FBLN2: variants seen among roughly 807,000 people sequenced by gnomAD.
The protein encoded by FBLN2 is fibulin 2, also known as fibulin-2.
FBLN2 carries 81 observed loss-of-function variants against 123.7 expected under a neutral mutation model. The observed-to-expected ratio is 0.65, with a 90% confidence interval of 0.55 to 0.79. FBLN2 has a LOEUF of 0.79. Among genes scored for constraint, FBLN2 ranks in the 30% least tolerant of loss-of-function variants. The pLI, the probability that FBLN2 is intolerant of heterozygous loss-of-function variation, is 0.00. For missense variants in FBLN2, 1,603 were observed against 1,681.3 expected (o/e 0.95, Z 0.81); for synonymous variants, 699 against 701.4 (o/e 1.00, Z 0.05).
Position 13,588,981 on chromosome 3 carries a change from G to A in FBLN2, c.1306+17320G>A, listed in dbSNP as rs567363549. ...TCAGAATTACATCAAACTTCAGTTTGAGCAGAAGTATAGTCTCTTAGGTAA... is the reference window on the plus strand; with the variant it reads ...TCAGAATTACATCAAACTTCAGTTTAAGCAGAAGTATAGTCTCTTAGGTAA... On this transcript the variant is annotated intron_variant, in intron 2 of 17. Transcript: ENST00000404922. 5.9e-5 allele frequency among the ~76,000 whole-genome samples: 9 copies of A among 152,300 alleles called. No homozygotes were observed. The East Asian group carries it at 1.7e-3, about 29-fold the overall frequency.
At chr3:13,598,430 ATG>A (rs1317831923) in intron 2 of FBLN2, among the ~76,000 whole-genome samples, 5 of 152,226 alleles carry the variant, frequency 3.3e-5, no homozygotes. Flanking sequence ...GTGGAAGGAC[ATG>A]CCTGTGCTCA....
Position 13,629,396 on chromosome 3 carries a change from G to A in FBLN2, c.2842+104G>A, listed in dbSNP as rs1428202024. The stretch of plus-strand genomic sequence containing the variant: ...CCAGCACCTCCACTGCCTGAGTGGG[G>A]CCCACCTGCTGGAGTCCACAAGGTC... On this transcript the variant is annotated intron_variant, in intron 13 of 17. Transcript: ENST00000404922. The A allele has an allele frequency of 1.2e-5, 17 of 1,407,570 alleles. No homozygotes were observed. The East Asian group carries it at 3.8e-4, about 31-fold the overall frequency. 87.2% of individuals were successfully genotyped at this position (1,407,570 alleles called of 1,614,324 possible). A position where few individuals can be genotyped will look rare whatever the true frequency, so the allele number is the denominator to read the frequency against.
rs72624447 is a variant in FBLN2, at chr3:13,570,796, C to T, written c.441C>T (p.Ala147=). 9.6e-3 allele frequency: 15,368 copies of T among 1,595,580 alleles called. 1,522 individuals are homozygous for T. In the East Asian group the frequency reaches 0.25, roughly 26 times the overall value. The change falls in exon 2 of 18, where the codon GCC becomes GCT. Residue 147 remains alanine (A), a synonymous_variant. Coordinates refer to ENST00000404922, the MANE Select transcript of FBLN2 (RefSeq NM_001004019.2). The part of the protein sequence containing the change: ...VGCVHAGHKY[A]AGHTVHLPPC... ...GCGTCCACGCGGGCCACAAGTACGC[C>T]GCTGGCCACACTGTTCACCTGCCGC... is the stretch of plus-strand genomic sequence containing the variant.
intron 7 of FBLN2, 59 bp from the exon 8 acceptor site, chr3:13,619,671 G>A (rs1705777513): frequency 2.1e-6 from 3 of 1,427,130 alleles, no homozygotes; most frequent in African/African-American, 1.4e-5. Flanking sequence ...TGGGGAATGA[G>A]CCAGTGTGGA....
intron 5 of FBLN2, among the ~76,000 whole-genome samples, chr3:13,615,821 A>G (rs1039645900): frequency 6.6e-6 from 1 of 152,162 alleles, no homozygotes; most frequent in Non-Finnish European, 1.5e-5. Flanking sequence ...AATGACTCCC[A>G]CTTCTGCCCC....
intron 16 of FBLN2, among the ~76,000 whole-genome samples, chr3:13,635,612 G>A (rs1401372933): frequency 6.6e-6 from 1 of 152,154 alleles, no homozygotes; most frequent in Non-Finnish European, 1.5e-5. Context: ...GCTTCTGAAT[G>A]TACAGGAAGC....
At chr3:13,555,331 C>A (rs535320117) in intron 1 of FBLN2, among the ~76,000 whole-genome samples, 3 of 152,240 alleles carry the variant, frequency 2.0e-5, no homozygotes, top group South Asian at 2.1e-4. Flanking sequence ...ACCAGCAATA[C>A]CCATAAAAAT....
chr3:13,581,987 T>G (rs780095496), intron 2 of FBLN2, among the ~76,000 whole-genome samples: 1 of 152,106 alleles, frequency 6.6e-6, no homozygotes, highest in Non-Finnish European at 1.5e-5. Context: ...CTGTGTGACC[T>G]CAGGCAAATT....
Position 13,571,580 on chromosome 3 carries a change from C to T in FBLN2, c.1225C>T (p.Pro409Ser), listed in dbSNP as rs751886963. Residue 409 changes from proline to serine, a missense_variant, in exon 2 of 18, where the codon CCG becomes TCG. Pro to Ser is a moderately conservative substitution (Grantham distance 74). Coordinates refer to ENST00000404922, the MANE Select transcript of FBLN2 (RefSeq NM_001004019.2). ...ACCCACCCGAGAAGTGCCCAGGAAG[C>T]CGCAAGTTCTGCCCCATTCCCACGT... is the stretch of plus-strand genomic sequence containing the variant. ...IPPTREVPRK[P>S]QVLPHSHVEE... 3 of 1,613,514 alleles carry T rather than the reference C, an allele frequency of 1.9e-6. No individual in the cohort carries two copies. Among genetic ancestry groups the T allele is most frequent in the Non-Finnish European group, 2.5e-6 (3 of 1,179,776 alleles).
chr3:13,578,833 TCTC>T (rs1704229289), intron 2 of FBLN2, among the ~76,000 whole-genome samples: 1 of 152,100 alleles, frequency 6.6e-6, no homozygotes, highest in South Asian at 2.1e-4. Context: ...GGCAGACAGA[TCTC>T]CTGAGGTCGG....
chr3:13,611,923 T>C (rs1705404222), intron 4 of FBLN2, among the ~76,000 whole-genome samples: 1 of 152,128 alleles, frequency 6.6e-6, no homozygotes, highest in African/African-American at 2.4e-5. Context: ...GACATTGGGA[T>C]GGATAGCTGG....
In FBLN2 at chr3:13,627,837, G is replaced by A. The variant is rs761368690; in HGVS notation, c.2437G>A (p.Asp813Asn). The A allele has an allele frequency of 6.2e-7, 1 of 1,612,910 alleles. No homozygotes were observed. Among genetic ancestry groups the A allele is most frequent in the East Asian group, 2.2e-5 (1 of 44,852 alleles). ...ACCCAGCCTCTCCGCTGCAGACGTG[G>A]ATGAGTGTGCGATGGGCACGCACAC... is the stretch of plus-strand genomic sequence containing the variant. ...ALKDGECEDV[D>N]ECAMGTHTCQ... The change falls in exon 11 of 18, where the codon GAT (aspartate) becomes AAT (asparagine). Residue 813 changes from aspartate (D) to asparagine (N), a missense_variant. Asp to Asn is a conservative substitution (Grantham distance 23). Transcript: ENST00000404922.
At position 13,608,131 on chromosome 3, in the gene FBLN2, G is replaced by A; in HGVS notation, c.1376G>A (p.Cys459Tyr). The A allele has an allele frequency of 1.3e-6, 2 of 1,598,510 alleles. No individual in the cohort carries two copies. The highest frequency in any genetic ancestry group is 1.7e-6 in the Non-Finnish European group (2 of 1,172,778). The change falls in exon 3 of 18, where the codon TGC becomes TAC. Residue 459 changes from cysteine to tyrosine, a missense_variant. Physicochemically the swap from Cys to Tyr is radical, Grantham distance 194 (BLOSUM62 -2). Transcript: ENST00000404922. ...CAGTGGGCCATTGACAATGACGAGT[G>A]CCTGGAGATCCCTGAGAGTGGCACT... ...GQQWAIDNDE[C>Y]LEIPESGTED...
At chr3:13,551,752 A>G (rs1703329111) in intron 1 of FBLN2, among the ~76,000 whole-genome samples, 1 of 151,838 alleles carries the variant, frequency 6.6e-6, no homozygotes, top group African/African-American at 2.4e-5. Flanking sequence ...TTGCACAGCC[A>G]CTTGACCTCC....
chr3:13,575,748 C>T (rs1259598124), intron 2 of FBLN2, among the ~76,000 whole-genome samples: 1 of 152,128 alleles, frequency 6.6e-6, no homozygotes, highest in Non-Finnish European at 1.5e-5. Flanking sequence ...GCACTGCATG[C>T]ACCACGCTTC....
At chr3:13,559,139 A>G (rs1019064661) in intron 1 of FBLN2, among the ~76,000 whole-genome samples, 1 of 152,062 alleles carries the variant, frequency 6.6e-6, no homozygotes, top group East Asian at 1.9e-4. Context: ...CTGTGAGTGG[A>G]CTGCAGGGAG....
At chr3:13,629,441 C>A in intron 13 of FBLN2, 149 bp downstream of exon 13, 2 of 1,137,572 alleles carry the variant, frequency 1.8e-6, no homozygotes, top group Non-Finnish European at 2.4e-6. Context: ...CTGGCCTCAT[C>A]CTCCTGCTGG....
At chr3:13,557,190 A>T (rs1261760281) in intron 1 of FBLN2, among the ~76,000 whole-genome samples, 1 of 152,150 alleles carries the variant, frequency 6.6e-6, no homozygotes, top group East Asian at 1.9e-4. Flanking sequence ...TCATGCGTTG[A>T]TGTGGCCCCA....
intron 8 of FBLN2, among the ~76,000 whole-genome samples, chr3:13,620,429 T>A (rs1355052062): frequency 1.3e-5 from 2 of 152,186 alleles, no homozygotes; most frequent in African/African-American, 4.8e-5. Context: ...ACAGCAGGAA[T>A]GCCTGGCTGA....
Sources: allele counts gnomAD v4.1 joint callset (sites outside exome capture counted in the v4.1 genomes callset), GRCh38; gene constraint gnomAD v4.1.1; transcripts MANE v1.5; gene names NCBI Gene and HGNC (gene_info 2026-07-23, HGNC 2026-07-21).